The following TEAD1 variants were observed in gnomAD, a reference collection of about 807,000 sequenced individuals.
The protein encoded by TEAD1 is transcriptional enhancer factor TEF-1.
TEAD1 carries 9 observed loss-of-function variants against 54.9 expected under a neutral mutation model. The ratio of observed to expected loss-of-function variants is 0.16; its 90% CI spans 0.10 to 0.29. The LOEUF is 0.29. TEAD1 is among the 10% of genes least tolerant of loss of function. TEAD1 has a pLI of 1.00. For missense variants in TEAD1, 387 were observed against 535.9 expected, an observed-to-expected ratio of 0.72 and a Z score of 2.74; for synonymous variants, 200 against 187.8, an observed-to-expected ratio of 1.07 and a Z score of -0.53.
intron 3 of TEAD1, among the ~76,000 whole-genome samples, chr11:12,772,930 C>T (rs1459252957): frequency 6.6e-6 from 1 of 152,182 alleles, no homozygotes; most frequent in African/African-American, 2.4e-5. Context: ...CACCACAGGA[C>T]CCGGGTTGCC....
chr11:12,924,820 G>C (rs1001213436), intron 10 of TEAD1, 92 bp from the exon 11 acceptor site: 5 of 1,482,146 alleles, frequency 3.4e-6, no homozygotes, highest in Non-Finnish European at 4.7e-6. Flanking sequence ...TCTTCATTCA[G>C]CCAAGCAGAG....
intron 3 of TEAD1, among the ~76,000 whole-genome samples, chr11:12,780,255 T>A (rs889090794): frequency 1.3e-5 from 2 of 151,710 alleles, no homozygotes; most frequent in Non-Finnish European, 2.9e-5. Context: ...TTTTTTTTTT[T>A]TTTTTGAGAT....
intron 2 of TEAD1, among the ~76,000 whole-genome samples, chr11:12,696,800 G>A (rs1943593621): frequency 6.6e-6 from 1 of 151,990 alleles, no homozygotes; most frequent in African/African-American, 2.4e-5. Flanking sequence ...CCTTCTGCTT[G>A]GTCAGCCATG....
At chr11:12,863,442 T>C (rs1477826432) in intron 4 of TEAD1, among the ~76,000 whole-genome samples, 2 of 152,074 alleles carry the variant, frequency 1.3e-5, no homozygotes, top group African/African-American at 4.8e-5. Flanking sequence ...GATGGAGGGC[T>C]GAAGAGGATG....
In TEAD1 at chr11:12,816,519, CT is replaced by C. The variant is rs560779055; in HGVS notation, c.203-45727del. On this transcript the variant is annotated intron_variant, in intron 3 of 12. Transcript: ENST00000527636. Reference sequence around the variant, plus strand: ...CTTACACGCCCCAGGTAACTGAAAACTTTTGTTGGCTTATTAGGGGCATTTC... The same window carrying C: ...CTTACACGCCCCAGGTAACTGAAAACTTTGTTGGCTTATTAGGGGCATTTC... 1.2e-4 allele frequency among the ~76,000 whole-genome samples: 19 copies of C among 152,252 alleles called. 1 individual carries two copies. The South Asian group carries it at 3.9e-3, about 32-fold the overall frequency.
intron 3 of TEAD1, among the ~76,000 whole-genome samples, chr11:12,809,484 G>C (rs897163855): frequency 6.6e-6 from 1 of 152,194 alleles, no homozygotes; most frequent in African/African-American, 2.4e-5. Context: ...TCAAGAAGTA[G>C]CAGTTGGAAG....
chr11:12,852,289 G>C (rs1947291922), intron 3 of TEAD1, among the ~76,000 whole-genome samples: 2 of 152,094 alleles, frequency 1.3e-5, no homozygotes, highest in Admixed American at 6.6e-5. Flanking sequence ...TGTTGGTATA[G>C]GAAGGCAACA....
intron 2 of TEAD1, among the ~76,000 whole-genome samples, chr11:12,726,873 T>A (rs531120829): frequency 2.6e-5 from 4 of 152,218 alleles, no homozygotes; most frequent in African/African-American, 9.6e-5. Context: ...ATATTGATTA[T>A]AAGTTGGATA....
chr11:12,773,602 C>T (rs1345852312), intron 3 of TEAD1, among the ~76,000 whole-genome samples: 1 of 152,098 alleles, frequency 6.6e-6, no homozygotes. Flanking sequence ...TGTTCGTTTT[C>T]TAATTGGAGG....
chr11:12,735,898 A>G (rs1944521349), intron 2 of TEAD1, among the ~76,000 whole-genome samples: 1 of 152,172 alleles, frequency 6.6e-6, no homozygotes, highest in South Asian at 2.1e-4. Context: ...AATTGAACAA[A>G]TGCTTGCATG....
intron 3 of TEAD1, among the ~76,000 whole-genome samples, chr11:12,850,615 AG>A (rs560420859): frequency 6.6e-6 from 1 of 152,338 alleles, no homozygotes; most frequent in South Asian, 2.1e-4. Context: ...TCATAAGTCC[AG>A]TTTCCTCAGA....
At chr11:12,685,600 GA>G (rs1444912222) in intron 2 of TEAD1, among the ~76,000 whole-genome samples, 1 of 151,918 alleles carries the variant, frequency 6.6e-6, no homozygotes, top group Non-Finnish European at 1.5e-5. Flanking sequence ...GAGGAGCCAG[GA>G]AAAAACATAT....
chr11:12,852,215 G>A (rs1564963744), intron 3 of TEAD1, among the ~76,000 whole-genome samples: 1 of 136,568 alleles, frequency 7.3e-6, no homozygotes, highest in Non-Finnish European at 1.6e-5. Context: ...CTATACAGGA[G>A]TGGGCTCTTA....
intron 5 of TEAD1, among the ~76,000 whole-genome samples, chr11:12,878,405 G>A (rs866082765): frequency 6.6e-6 from 1 of 152,028 alleles, no homozygotes; most frequent in African/African-American, 2.4e-5. Flanking sequence ...TCCCTTTGAC[G>A]TTCCCTGGAG....
Position 12,675,472 on chromosome 11 carries a change from A to T in TEAD1, c.-144A>T, listed in dbSNP as rs1157678628. The T allele has an allele frequency of 6.6e-6, 1 of 152,462 alleles. No homozygotes were observed. The highest frequency in any genetic ancestry group is 1.5e-5 in the Non-Finnish European group (1 of 68,194). 9.4% of individuals were successfully genotyped at this position (152,462 alleles called of 1,614,324 possible). A position where few individuals can be genotyped will look rare whatever the true frequency, so the allele number is the denominator to read the frequency against. Reference sequence around the variant, plus strand: ...TTCAAGTGGAAAATTTTCAGGAGTCAGCAGAAACATTGTGTCCAAAAAAGA... The same window carrying T: ...TTCAAGTGGAAAATTTTCAGGAGTCTGCAGAAACATTGTGTCCAAAAAAGA... On this transcript the variant is annotated 5_prime_UTR_variant, in exon 2 of 13. Coordinates refer to ENST00000527636, the MANE Select transcript of TEAD1 (RefSeq NM_021961.6).
intron 2 of TEAD1, among the ~76,000 whole-genome samples, chr11:12,695,675 G>C (rs1943565486): frequency 6.6e-6 from 1 of 152,234 alleles, no homozygotes; most frequent in African/African-American, 2.4e-5. Flanking sequence ...AATGGACCCA[G>C]ACTGATGGAC....
At chr11:12,846,040 G>A (rs1188868972) in intron 3 of TEAD1, among the ~76,000 whole-genome samples, 1 of 152,222 alleles carries the variant, frequency 6.6e-6, no homozygotes, top group Non-Finnish European at 1.5e-5. Flanking sequence ...TGCACTTATT[G>A]TCATGTTATG....
intron 10 of TEAD1, among the ~76,000 whole-genome samples, chr11:12,903,385 G>C (rs1398596350): frequency 6.6e-6 from 1 of 152,190 alleles, no homozygotes; most frequent in East Asian, 1.9e-4. Context: ...ACAGATGTGA[G>C]AACAAATGGA....
intron 3 of TEAD1, among the ~76,000 whole-genome samples, chr11:12,859,351 T>C (rs901534181): frequency 2.7e-5 from 4 of 150,336 alleles, no homozygotes; most frequent in Admixed American, 2.6e-4. Flanking sequence ...TCGGACAAAA[T>C]TGTATGTAAT....
Sources: gnomAD v4.1 joint callset for allele counts (sites outside exome capture counted in the v4.1 genomes callset) on GRCh38, gnomAD v4.1.1 for gene constraint, MANE v1.5 for transcripts, NCBI Gene and HGNC (gene_info 2026-07-23, HGNC 2026-07-21) for gene names.